The following DNAJC1 variants were observed in gnomAD, a reference collection of about 807,000 sequenced individuals.
The protein encoded by DNAJC1 is DnaJ heat shock protein family (Hsp40) member C1.
Under a neutral mutation model 76.6 loss-of-function variants are expected in DNAJC1, and 58 were observed. The observed-to-expected ratio is 0.76, with a 90% CI of 0.61 to 0.94. The LOEUF (loss-of-function observed/expected upper bound fraction) is 0.94. DNAJC1 is among the 40% of genes least tolerant of loss of function. The pLI is 0.00. For missense variants in DNAJC1, 689 were observed against 677.3 expected (o/e 1.02, Z -0.19); for synonymous variants, 258 against 267.9 (o/e 0.96, Z 0.36).
chr10:21,914,402 C>T (rs1836918818), intron 6 of DNAJC1, among the ~76,000 whole-genome samples: 1 of 152,164 alleles, frequency 6.6e-6, no homozygotes, highest in Non-Finnish European at 1.5e-5. Flanking sequence ...TCTATCTTGC[C>T]TAATCACAGA....
At chr10:21,849,967 C>G (rs1835726922) in intron 8 of DNAJC1, among the ~76,000 whole-genome samples, 1 of 152,078 alleles carries the variant, frequency 6.6e-6, no homozygotes, top group Non-Finnish European at 1.5e-5. Context: ...AGGAAACTAC[C>G]TCAACATAAT....
At chr10:21,851,641 C>CGTAT (rs1835756651) in intron 8 of DNAJC1, among the ~76,000 whole-genome samples, 1 of 152,162 alleles carries the variant, frequency 6.6e-6, no homozygotes, top group African/African-American at 2.4e-5. Flanking sequence ...CAGGTATATA[C>CGTAT]CCAAAGCAAT....
intron 1 of DNAJC1, among the ~76,000 whole-genome samples, chr10:21,952,425 T>C (rs752942837): frequency 2.0e-4 from 31 of 152,178 alleles, no homozygotes; most frequent in South Asian, 8.3e-4. Flanking sequence ...TGTGTACTAG[T>C]AGAAAAGTAA....
intron 8 of DNAJC1, chr10:21,860,981 A>C (rs1835910251): frequency 6.6e-6 from 1 of 152,246 alleles, no homozygotes; most frequent in Non-Finnish European, 1.5e-5. Flanking sequence ...CAGGAGAGCA[A>C]ATGCTGCTTA....
chr10:21,866,666 A>G (rs1836006590), intron 8 of DNAJC1, among the ~76,000 whole-genome samples: 1 of 152,118 alleles, frequency 6.6e-6, no homozygotes, highest in South Asian at 2.1e-4. Flanking sequence ...GGATTTAAAA[A>G]CATAGTTAAC....
chr10:21,895,939 C>T (rs775028033), intron 7 of DNAJC1, among the ~76,000 whole-genome samples: 7 of 152,174 alleles, frequency 4.6e-5, no homozygotes, highest in Admixed American at 6.5e-5. Context: ...CTCATGCAGG[C>T]CACCACTTCA....
intron 9 of DNAJC1, among the ~76,000 whole-genome samples, chr10:21,776,230 A>AGTTACATG (rs749539681): frequency 2.0e-5 from 3 of 152,220 alleles, no homozygotes; most frequent in Non-Finnish European, 2.9e-5. Context: ...ATCAGTCAAC[A>AGTTACATG]GTTACATGGT....
At position 21,780,579 on chromosome 10, in the gene DNAJC1, T is replaced by A. The variant is rs923487116; in HGVS notation, c.1099-14270A>T. ...TTGTCACCACCAGGCCTGCCCTAAA[T>A]GAGCTCCTGAAGGAAGCACGAAATA... On this transcript the variant is annotated intron_variant, in intron 9 of 11. Coordinates refer to ENST00000376980, the MANE Select transcript of DNAJC1 (RefSeq NM_022365.4). 2.6e-5 allele frequency among the ~76,000 whole-genome samples: 4 copies of A among 152,142 alleles called. No individual in the cohort carries two copies. The South Asian group carries it at 6.2e-4, about 24-fold the overall frequency.
intron 7 of DNAJC1, among the ~76,000 whole-genome samples, chr10:21,886,202 C>A (rs1836364406): frequency 6.6e-6 from 1 of 152,060 alleles, no homozygotes; most frequent in Non-Finnish European, 1.5e-5. Context: ...ACTACAGAAA[C>A]CTCTATGCAC....
intron 9 of DNAJC1, among the ~76,000 whole-genome samples, chr10:21,793,530 T>G (rs1439206484): frequency 1.3e-5 from 2 of 152,192 alleles, no homozygotes; most frequent in Non-Finnish European, 2.9e-5. Context: ...GAATAAAAAC[T>G]TTTTATCCAC....
intron 10 of DNAJC1, among the ~76,000 whole-genome samples, chr10:21,765,337 A>T (rs1246952845): frequency 6.6e-6 from 1 of 152,058 alleles, no homozygotes; most frequent in Non-Finnish European, 1.5e-5. Flanking sequence ...AGAGTAGTTG[A>T]AACTATAGCT....
chr10:21,987,301 C>G (rs1021482243), intron 1 of DNAJC1, among the ~76,000 whole-genome samples: 2 of 152,110 alleles, frequency 1.3e-5, no homozygotes, highest in Non-Finnish European at 2.9e-5. Context: ...GGCTATAGTG[C>G]TGGACAGTAC....
At chr10:21,812,494 A>G (rs541318230) in intron 8 of DNAJC1, among the ~76,000 whole-genome samples, 4 of 152,026 alleles carry the variant, frequency 2.6e-5, no homozygotes, top group Non-Finnish European at 5.9e-5. Flanking sequence ...TATTTTGTAG[A>G]TACTAGATCT....
chr10:21,813,995 C>T (rs1307941593), intron 8 of DNAJC1, among the ~76,000 whole-genome samples: 4 of 152,172 alleles, frequency 2.6e-5, no homozygotes, highest in African/African-American at 9.7e-5. Context: ...TAGCAGGCTA[C>T]CTTATTTGCT....
rs1243482978 is a variant in DNAJC1 at position 21,928,992 on chromosome 10, T to C, written c.324+48A>G. On this transcript the variant is annotated intron_variant, in intron 2 of 11. Transcript: ENST00000376980. ...AGTGAATATTTCTACCATCGACATGTTAATACATTTGTCACAAAATATATA... is the reference window on the plus strand; with the variant it reads ...AGTGAATATTTCTACCATCGACATGCTAATACATTTGTCACAAAATATATA... The C allele has an allele frequency of 2.5e-6, 3 of 1,186,122 alleles. No individual in the cohort carries two copies. In the African/African-American group the frequency reaches 4.7e-5, roughly 18 times the overall value. The allele number at this position is 1,186,122 out of a possible 1,614,324, so 73.5% of individuals were successfully genotyped here. A position where few individuals can be genotyped will look rare whatever the true frequency, so the allele number is the denominator to read the frequency against.
chr10:21,803,873 A>C, intron 9 of DNAJC1: 1 of 982,716 alleles, frequency 1.0e-6, no homozygotes, highest in Non-Finnish European at 1.2e-6. Context: ...CAAAAAAAAA[A>C]AAAACCCAAA....
At chr10:21,799,297 T>G (rs567986394) in intron 9 of DNAJC1, among the ~76,000 whole-genome samples, 1 of 152,076 alleles carries the variant, frequency 6.6e-6, no homozygotes, top group Non-Finnish European at 1.5e-5. Flanking sequence ...TGTTTTTTGT[T>G]GTTGTTGTTT....
chr10:21,886,564 T>C (rs1456590488), intron 7 of DNAJC1, among the ~76,000 whole-genome samples: 1 of 151,846 alleles, frequency 6.6e-6, no homozygotes, highest in African/African-American at 2.4e-5. Context: ...TTAACAGTGA[T>C]GCAAAAATTA....
rs55695400 is a variant in DNAJC1 at position 21,880,367 on chromosome 10, T to C, written c.978+1915A>G. On this transcript the variant is annotated intron_variant, in intron 8 of 11. Transcript: ENST00000376980. The stretch of plus-strand genomic sequence containing the variant: ...TTGTAATGGCATCTAGAATAGTAAA[T>C]CCTTCCCAGAAAGTTTTCAATTTAC... Among the ~76,000 whole-genome samples the C allele has an allele frequency of 1.2e-3, 182 of 152,304 alleles. No individual in the cohort carries two copies. In the Middle Eastern group the frequency reaches 0.024, roughly 20 times the overall value.
Sources: allele counts gnomAD v4.1 joint callset (sites outside exome capture counted in the v4.1 genomes callset), GRCh38; gene constraint gnomAD v4.1.1; transcripts MANE v1.5; gene names NCBI Gene and HGNC (gene_info 2026-07-23, HGNC 2026-07-21).